SPATA6: variants seen among roughly 807,000 people sequenced by gnomAD.
The protein encoded by SPATA6 is spermatogenesis-associated protein 6.
Under a neutral mutation model 65.3 loss-of-function variants are expected in SPATA6, and 56 were observed. The observed-to-expected ratio is 0.86, with a 90% CI of 0.69 to 1.07. The LOEUF (loss-of-function observed/expected upper bound fraction) is 1.07, where lower values mean the gene tolerates loss of function less well. Among genes scored for constraint, SPATA6 ranks in the 50% least tolerant of loss-of-function variants. The probability of loss-of-function intolerance (pLI) is 0.00; values close to 1 mark genes in which losing one functional copy is unlikely to be tolerated. For missense variants in SPATA6, 590 were observed against 594.8 expected (o/e 0.99, Z 0.08); for synonymous variants, 199 against 213.2 (o/e 0.93, Z 0.58).
intron 11 of SPATA6, among the ~76,000 whole-genome samples, chr1:48,324,467 T>C (rs1645696091): frequency 6.6e-6 from 1 of 152,090 alleles, no homozygotes; most frequent in East Asian, 1.9e-4. Flanking sequence ...AAATCGAATT[T>C]GACAATACAT....
At chr1:48,401,203 T>G (rs866814487) in intron 6 of SPATA6, among the ~76,000 whole-genome samples, 50 of 152,134 alleles carry the variant, frequency 3.3e-4, no homozygotes, top group African/African-American at 1.1e-3. Flanking sequence ...CCCCAAGTTC[T>G]TTACACATTT....
At chr1:48,435,380 GCA>G (rs1557705835) in intron 3 of SPATA6, among the ~76,000 whole-genome samples, 1 of 151,702 alleles carries the variant, frequency 6.6e-6, no homozygotes, top group Non-Finnish European at 1.5e-5. Flanking sequence ...ACACCAATCA[GCA>G]CTCTGTCTAG....
At chr1:48,397,601 A>C (rs1488778459) in intron 7 of SPATA6, among the ~76,000 whole-genome samples, 2 of 151,644 alleles carry the variant, frequency 1.3e-5, no homozygotes, top group African/African-American at 4.8e-5. Flanking sequence ...GTCTTTCCTA[A>C]AAGTGTTACA....
At chr1:48,310,889 C>A (rs1645189400) in intron 11 of SPATA6, among the ~76,000 whole-genome samples, 1 of 151,868 alleles carries the variant, frequency 6.6e-6, no homozygotes, top group Non-Finnish European at 1.5e-5. Context: ...TACCTGGCCA[C>A]AATAACATGA....
chr1:48,417,931 G>A (rs182291287), intron 3 of SPATA6, among the ~76,000 whole-genome samples: 139 of 152,194 alleles, frequency 9.1e-4, no homozygotes, highest in African/African-American at 3.2e-3. Flanking sequence ...CCATGTGAAT[G>A]ACTCATCCAA....
chr1:48,351,215 T>C (rs1200193586), intron 11 of SPATA6, among the ~76,000 whole-genome samples: 1 of 152,006 alleles, frequency 6.6e-6, no homozygotes, highest in Non-Finnish European at 1.5e-5. Context: ...CATGCTCAAC[T>C]CACTATTTCT....
chr1:48,302,913 GT>G (rs1380605867), intron 12 of SPATA6, among the ~76,000 whole-genome samples: 2 of 151,832 alleles, frequency 1.3e-5, no homozygotes, highest in Admixed American at 6.6e-5. Flanking sequence ...TCCCTTGCTT[GT>G]TTGCCAACAA....
chr1:48,400,756 A>C, intron 6 of SPATA6: 2 of 1,285,120 alleles, frequency 1.6e-6, no homozygotes, highest in Non-Finnish European at 2.1e-6. Flanking sequence ...GCAATGGTCT[A>C]TGCATTTCAT....
At chr1:48,371,854 G>A (rs1647317830) in intron 9 of SPATA6, among the ~76,000 whole-genome samples, 3 of 152,144 alleles carry the variant, frequency 2.0e-5, no homozygotes, top group Admixed American at 2.0e-4. Context: ...TGGCAAGAGA[G>A]AATGAGGAAG....
intron 11 of SPATA6, among the ~76,000 whole-genome samples, chr1:48,339,353 A>G (rs1357377799): frequency 6.6e-6 from 1 of 152,076 alleles, no homozygotes; most frequent in African/African-American, 2.4e-5. Context: ...GTATAGACAT[A>G]TAATATCTAG....
chr1:48,298,616 C>A lies in SPATA6; in HGVS notation c.*97G>T. The A allele has an allele frequency of 1.7e-6, 2 of 1,198,808 alleles. No homozygotes were observed. Among genetic ancestry groups the A allele is most frequent in the Non-Finnish European group, 2.3e-6 (2 of 862,464 alleles). 74.3% of individuals were successfully genotyped at this position (1,198,808 alleles called of 1,614,324 possible). A position where few individuals can be genotyped will look rare whatever the true frequency, so the allele number is the denominator to read the frequency against. On this transcript the variant is annotated 3_prime_UTR_variant, in exon 13 of 13. Coordinates refer to ENST00000371847, the MANE Select transcript of SPATA6 (RefSeq NM_019073.4). ...ATAACTATTGTACTTAGTTATAATC[C>A]CATTTTTTTTAAAAAAAGGAATACA...
the SPATA6 span, among the ~76,000 whole-genome samples, chr1:48,285,660 C>A: frequency 6.6e-6 from 1 of 152,100 alleles, no homozygotes; most frequent in South Asian, 2.1e-4. Context: ...CCTCATGGCA[C>A]AGTCCCTCAC....
rs1037162586 is a variant in SPATA6, at chr1:48,462,209, G to A, written c.52-9078C>T. Among the ~76,000 whole-genome samples the A allele has an allele frequency of 1.6e-4, 25 of 151,816 alleles. No individual in the cohort carries two copies. In the East Asian group the frequency reaches 2.7e-3, roughly 17 times the overall value. ...GGGACTGTTGTGGGGTGGGGGGAGCGGGGAGGGATAGCATTAGGAGACATA... is the reference window on the plus strand; with the variant it reads ...GGGACTGTTGTGGGGTGGGGGGAGCAGGGAGGGATAGCATTAGGAGACATA... On this transcript the variant is annotated intron_variant, in intron 1 of 12. Coordinates refer to ENST00000371847, the MANE Select transcript of SPATA6 (RefSeq NM_019073.4).
intron 5 of SPATA6, among the ~76,000 whole-genome samples, chr1:48,404,528 A>G (rs1651504593): frequency 6.6e-6 from 1 of 152,056 alleles, no homozygotes; most frequent in African/African-American, 2.4e-5. Context: ...TATTTTGTAG[A>G]TACAGGATCT....
At chr1:48,384,450 A>G (rs1222107188) in intron 9 of SPATA6, among the ~76,000 whole-genome samples, 1 of 139,974 alleles carries the variant, frequency 7.1e-6, no homozygotes, top group Admixed American at 7.3e-5. Context: ...TTTCCCACAT[A>G]TAATAACACT....
At chr1:48,338,428 A>G (rs1570189977) in intron 11 of SPATA6, among the ~76,000 whole-genome samples, 2 of 152,196 alleles carry the variant, frequency 1.3e-5, no homozygotes, top group East Asian at 3.9e-4. Context: ...TCTGAAAAGC[A>G]AAATGCATCT....
At chr1:48,341,753 G>A (rs1646221844) in intron 11 of SPATA6, among the ~76,000 whole-genome samples, 3 of 152,184 alleles carry the variant, frequency 2.0e-5, no homozygotes, top group African/African-American at 7.2e-5. Flanking sequence ...TAGTTTTGCT[G>A]TCACACTTCA....
At chr1:48,301,041 G>A (rs543241459) in intron 12 of SPATA6, among the ~76,000 whole-genome samples, 1 of 151,986 alleles carries the variant, frequency 6.6e-6, no homozygotes, top group Non-Finnish European at 1.5e-5. Context: ...GTCCTAGCCA[G>A]AGCAATTAGG....
chr1:48,436,677 ACT>A (rs1354799280), intron 3 of SPATA6: 1 of 1,614,184 alleles, frequency 6.2e-7, no homozygotes, highest in African/African-American at 1.3e-5. Context: ...GTCCAGAACT[ACT>A]GAGACAGGAT....
Sources: allele counts gnomAD v4.1 joint callset (sites outside exome capture counted in the v4.1 genomes callset), GRCh38; gene constraint gnomAD v4.1.1; transcripts MANE v1.5; gene names NCBI Gene and HGNC (gene_info 2026-07-23, HGNC 2026-07-21).